Variants in MSRA observed in about 807,000 individuals in gnomAD.
MSRA encodes the protein methionine sulfoxide reductase A, also known as mitochondrial peptide methionine sulfoxide reductase.
In MSRA, 54 loss-of-function variants were observed where a neutral mutation model predicts 31.3. That is an observed-to-expected ratio of 1.73 (90% CI 1.39 to 2.17). MSRA has a LOEUF of 2.17. Ranked by LOEUF, MSRA falls within the 30% of genes most tolerant of loss-of-function variation. MSRA has a pLI of 0.00. For synonymous variants in MSRA, 169 were observed against 116.5 expected (o/e 1.45, Z -2.90); for missense variants, 507 against 300.9 (o/e 1.69, Z -5.07).
intron 5 of MSRA, among the ~76,000 whole-genome samples, chr8:10,359,992 C>T (rs1804749662): frequency 6.6e-6 from 1 of 152,204 alleles, no homozygotes; most frequent in African/African-American, 2.4e-5. Flanking sequence ...CTTCCTTTAT[C>T]TCTGTTATTT....
At chr8:10,182,052 A>G (rs60510197) in intron 1 of MSRA, among the ~76,000 whole-genome samples, 7,687 of 152,120 alleles carry the variant, frequency 0.051, 300 homozygotes, top group African/African-American at 0.11. Context: ...GACCCCATCT[A>G]CAGCTCCTAT....
intron 4 of MSRA, among the ~76,000 whole-genome samples, chr8:10,317,541 A>C (rs1387744813): frequency 6.6e-6 from 1 of 152,198 alleles, no homozygotes; most frequent in Non-Finnish European, 1.5e-5. Context: ...AATCTCAAGC[A>C]GTTGGTAGAT....
At chr8:10,310,414 T>C (rs1368844773) in intron 4 of MSRA, among the ~76,000 whole-genome samples, 2 of 152,378 alleles carry the variant, frequency 1.3e-5, no homozygotes, top group East Asian at 3.9e-4. Flanking sequence ...TACGTGTTCA[T>C]AGTATCTTTG....
chr8:10,142,330 T>G (rs1231747911), intron 1 of MSRA, among the ~76,000 whole-genome samples: 80 of 152,272 alleles, frequency 5.3e-4, no homozygotes, highest in African/African-American at 1.8e-3. Context: ...GGATTCCCAT[T>G]TTCCAGGAGA....
intron 5 of MSRA, chr8:10,337,618 C>T (rs1585514470): frequency 1.5e-6 from 1 of 671,718 alleles, no homozygotes. Flanking sequence ...TTTTTCTGGT[C>T]CTGATATTGG....
intron 5 of MSRA, among the ~76,000 whole-genome samples, chr8:10,386,878 A>AC (rs1806426224): frequency 6.6e-6 from 1 of 151,912 alleles, no homozygotes; most frequent in Non-Finnish European, 1.5e-5. Context: ...TATTTAAAAA[A>AC]AAAAAAAAAA....
chr8:10,081,615 G>T (rs1262125692), intron 1 of MSRA, among the ~76,000 whole-genome samples: 1 of 152,084 alleles, frequency 6.6e-6, no homozygotes, highest in African/African-American at 2.4e-5. Flanking sequence ...TTGGTCTCCC[G>T]AGTAGGTGGA....
At chr8:10,363,916 G>C (rs1045858811) in intron 5 of MSRA, among the ~76,000 whole-genome samples, 2 of 152,212 alleles carry the variant, frequency 1.3e-5, no homozygotes, top group Non-Finnish European at 2.9e-5. Context: ...GGGCTACAAA[G>C]TAAGACCCTG....
intron 2 of MSRA, among the ~76,000 whole-genome samples, chr8:10,235,118 T>C (rs571400186): frequency 6.6e-6 from 1 of 151,992 alleles, no homozygotes; most frequent in South Asian, 2.1e-4. Context: ...TAGAGAGAAA[T>C]TTTATGCTTT....
At chr8:10,089,364 C>T (rs1041632746) in intron 1 of MSRA, among the ~76,000 whole-genome samples, 3 of 152,318 alleles carry the variant, frequency 2.0e-5, no homozygotes, top group South Asian at 2.1e-4. Flanking sequence ...TGTTCATTTT[C>T]ACCTCCTCTT....
chr8:10,132,851 T>G (rs750579419), intron 1 of MSRA, among the ~76,000 whole-genome samples: 2 of 152,228 alleles, frequency 1.3e-5, no homozygotes, highest in African/African-American at 4.8e-5. Context: ...CACAAAGGTA[T>G]GTCTTTTGAC....
chr8:10,255,261 T>C (rs1340245884), intron 3 of MSRA, among the ~76,000 whole-genome samples: 1 of 152,210 alleles, frequency 6.6e-6, no homozygotes, highest in African/African-American at 2.4e-5. Flanking sequence ...TGCATGCTCA[T>C]GGAAACTCGC....
chr8:10,152,112 G>A (rs1388927149), intron 1 of MSRA, among the ~76,000 whole-genome samples: 1 of 152,176 alleles, frequency 6.6e-6, no homozygotes, highest in Admixed American at 6.5e-5. Context: ...ATGTAGTTGT[G>A]AACATATATT....
chr8:10,157,515 G>T (rs985943728), intron 1 of MSRA, among the ~76,000 whole-genome samples: 1 of 152,222 alleles, frequency 6.6e-6, no homozygotes, highest in Non-Finnish European at 1.5e-5. Flanking sequence ...AGGAGGGCTT[G>T]GGATAGTGGG....
intron 1 of MSRA, among the ~76,000 whole-genome samples, chr8:10,102,576 C>G (rs1229694871): frequency 6.6e-6 from 1 of 152,196 alleles, no homozygotes; most frequent in South Asian, 2.1e-4. Flanking sequence ...ATTCCAACAT[C>G]TGTGCCATCT....
At chr8:10,423,750 G>A (rs897035973) in intron 5 of MSRA, among the ~76,000 whole-genome samples, 1 of 152,206 alleles carries the variant, frequency 6.6e-6, no homozygotes, top group Non-Finnish European at 1.5e-5. Context: ...CTGTGACACG[G>A]AAAGTGGCTG....
chr8:10,251,544 A>G (rs928308877), intron 3 of MSRA, among the ~76,000 whole-genome samples: 1 of 152,146 alleles, frequency 6.6e-6, no homozygotes, highest in African/African-American at 2.4e-5. Context: ...TAGGCGTAAA[A>G]TTGGACCTTA....
At chr8:10,298,048 C>T (rs533449325) in intron 3 of MSRA, among the ~76,000 whole-genome samples, 5 of 152,170 alleles carry the variant, frequency 3.3e-5, no homozygotes, top group Non-Finnish European at 5.9e-5. Context: ...ACCTGGTTCG[C>T]GTATGACTGA....
At chr8:10,395,566 C>T (rs141302416) in intron 5 of MSRA, among the ~76,000 whole-genome samples, 102 of 152,250 alleles carry the variant, frequency 6.7e-4, no homozygotes, top group African/African-American at 2.3e-3. Context: ...CACTGATGTT[C>T]GAGGAGTTTG....
Sources: allele counts gnomAD v4.1 joint callset (sites outside exome capture counted in the v4.1 genomes callset), GRCh38; gene constraint gnomAD v4.1.1; transcripts MANE v1.5; gene names NCBI Gene and HGNC (gene_info 2026-07-23, HGNC 2026-07-21).